CTNND2: variants seen among roughly 807,000 people sequenced by gnomAD.
CTNND2 encodes the protein catenin delta-2.
A neutral mutation model predicts 144.4 loss-of-function variants in CTNND2; 22 were observed. The ratio of observed to expected loss-of-function variants is 0.15; its 90% CI spans 0.11 to 0.22. The LOEUF is 0.22. Ranked by LOEUF, CTNND2 falls within the 10% of genes least tolerant of loss-of-function variation. The pLI is 1.00. For missense variants in CTNND2, 1,353 were observed against 1,618.8 expected (o/e 0.84, Z 2.82); for synonymous variants, 751 against 695.6 (o/e 1.08, Z -1.25).
chr5:11,069,681 G>C (rs2973526), intron 16 of CTNND2, among the ~76,000 whole-genome samples: 34 of 28,840 alleles, frequency 1.2e-3, no homozygotes, highest in Non-Finnish European at 1.6e-3. Flanking sequence ...GACAGACAGA[G>C]AGACAGAGAG....
At chr5:11,662,190 T>C (rs1307114205) in intron 2 of CTNND2, among the ~76,000 whole-genome samples, 1 of 139,358 alleles carries the variant, frequency 7.2e-6, no homozygotes, top group East Asian at 2.0e-4. Flanking sequence ...TATATGTGTA[T>C]ATATGTGTAT....
chr5:11,286,984 C>A (rs1487878984), intron 9 of CTNND2, among the ~76,000 whole-genome samples: 1 of 152,070 alleles, frequency 6.6e-6, no homozygotes, highest in African/African-American at 2.4e-5. Flanking sequence ...TGGAACACTA[C>A]CAAGTAGGAA....
intron 1 of CTNND2, among the ~76,000 whole-genome samples, chr5:11,879,965 C>T (rs1735906157): frequency 6.6e-6 from 1 of 152,080 alleles, no homozygotes; most frequent in African/African-American, 2.4e-5. Context: ...ATCTCCATGG[C>T]TATGGAAGAT....
intron 3 of CTNND2, among the ~76,000 whole-genome samples, chr5:11,462,558 T>C (rs979986941): frequency 8.6e-5 from 13 of 151,488 alleles, no homozygotes; most frequent in Admixed American, 7.2e-4. Context: ...ATTTTTTTTT[T>C]CCCCAGAGTA....
chr5:11,143,524 C>G (rs1386895997), intron 12 of CTNND2, among the ~76,000 whole-genome samples: 1 of 152,152 alleles, frequency 6.6e-6, no homozygotes, highest in Non-Finnish European at 1.5e-5. Context: ...GATGTTCTCC[C>G]TGGGAGTGTG....
chr5:11,608,885 T>C (rs943445771), intron 2 of CTNND2, among the ~76,000 whole-genome samples: 1 of 152,206 alleles, frequency 6.6e-6, no homozygotes, highest in African/African-American at 2.4e-5. Flanking sequence ...TATCTGAGGC[T>C]TCTGGATTTG....
At chr5:11,887,005 A>T in intron 1 of CTNND2, among the ~76,000 whole-genome samples, 2 of 64,718 alleles carry the variant, frequency 3.1e-5, no homozygotes, top group Non-Finnish European at 6.3e-5. Context: ...TTTTTTTGAG[A>T]CAGAGTCTCG....
At position 11,450,051 on chromosome 5, in the gene CTNND2, C is replaced by T. The variant is rs542629690; in HGVS notation, c.288-37982G>A. Among the ~76,000 whole-genome samples, 281 of 152,326 alleles carry T rather than the reference C, an allele frequency of 1.8e-3. 1 individual carries two copies. The highest frequency in any genetic ancestry group is 6.5e-3 in the African/African-American group (269 of 41,566). On this transcript the variant is annotated intron_variant, in intron 3 of 21. Coordinates refer to ENST00000304623, the MANE Select transcript of CTNND2 (RefSeq NM_001332.4). ...AACTGAGTGCAAGAAAAGCCCTTTTCGGACTTAGCAAGGGCTGGCTTGTCT... is the reference window on the plus strand; with the variant it reads ...AACTGAGTGCAAGAAAAGCCCTTTTTGGACTTAGCAAGGGCTGGCTTGTCT...
chr5:11,459,339 G>T (rs1230709518), intron 3 of CTNND2, among the ~76,000 whole-genome samples: 1 of 152,144 alleles, frequency 6.6e-6, no homozygotes, highest in Non-Finnish European at 1.5e-5. Flanking sequence ...CAATGTGGCA[G>T]TCTGAAATTT....
intron 11 of CTNND2, among the ~76,000 whole-genome samples, chr5:11,179,878 C>A (rs558219106): frequency 3.9e-5 from 6 of 152,160 alleles, no homozygotes; most frequent in Non-Finnish European, 8.8e-5. Flanking sequence ...TTAATATTTC[C>A]TTCTCAACCT....
chr5:11,507,914 G>C (rs1771222125), intron 3 of CTNND2, among the ~76,000 whole-genome samples: 1 of 152,066 alleles, frequency 6.6e-6, no homozygotes, highest in Non-Finnish European at 1.5e-5. Context: ...AAACCTCGTT[G>C]AATGGGCTGA....
chr5:11,627,003 G>A (rs531008618), intron 2 of CTNND2, among the ~76,000 whole-genome samples: 49 of 152,172 alleles, frequency 3.2e-4, no homozygotes, highest in Admixed American at 2.7e-3. Flanking sequence ...GTAGAGGATA[G>A]ATGATGAATA....
At chr5:11,305,301 T>A (rs1478784149) in intron 9 of CTNND2, among the ~76,000 whole-genome samples, 1 of 152,180 alleles carries the variant, frequency 6.6e-6, no homozygotes, top group Non-Finnish European at 1.5e-5. Flanking sequence ...AGAGTCAGAA[T>A]GGGCCTCAGC....
intron 3 of CTNND2, among the ~76,000 whole-genome samples, chr5:11,481,516 T>C (rs1275819888): frequency 1.3e-5 from 2 of 152,006 alleles, no homozygotes; most frequent in Non-Finnish European, 2.9e-5. Flanking sequence ...GATGGGAGGA[T>C]CACTTGAGCC....
At position 10,973,719 on chromosome 5, in the gene CTNND2, C is replaced by T. The variant is rs575945715; in HGVS notation, c.3418-6G>A. 4.7e-4 allele frequency: 745 copies of T among 1,586,110 alleles called. 15 individuals carry two copies. In the South Asian group the frequency reaches 8.2e-3, roughly 17 times the overall value. ...GGGACTGGCTGTGCTGAAACCTAAA[C>T]GGGAAAGAAGAGCCACACTGGGTTA... On this transcript the variant is annotated splice_region_variant and splice_polypyrimidine_tract_variant and intron_variant, in intron 21 of 21. Coordinates refer to ENST00000304623, the MANE Select transcript of CTNND2 (RefSeq NM_001332.4). The surrounding 1 kb of genome is among the most constrained non-coding windows in gnomAD (Gnocchi z 5.6).
At chr5:11,020,993 T>A (rs1425848325) in intron 17 of CTNND2, among the ~76,000 whole-genome samples, 1 of 152,202 alleles carries the variant, frequency 6.6e-6, no homozygotes, top group African/African-American at 2.4e-5. Context: ...TTAACAATAA[T>A]CAAGATTGGA....
At chr5:11,245,030 G>T (rs1222200922) in intron 9 of CTNND2, among the ~76,000 whole-genome samples, 3 of 152,174 alleles carry the variant, frequency 2.0e-5, no homozygotes, top group Non-Finnish European at 2.9e-5. Flanking sequence ...AAAAGAGAGA[G>T]AATTCAAATG....
intron 3 of CTNND2, among the ~76,000 whole-genome samples, chr5:11,530,465 C>T (rs935987830): frequency 2.8e-4 from 42 of 152,248 alleles, no homozygotes; most frequent in African/African-American, 1.0e-3. Context: ...GGGACATCTC[C>T]GTAGTTAATT....
chr5:11,447,694 G>C (rs1259152859), intron 3 of CTNND2, among the ~76,000 whole-genome samples: 1 of 152,118 alleles, frequency 6.6e-6, no homozygotes, highest in Non-Finnish European at 1.5e-5. Context: ...AGGGCGGATG[G>C]GGGCTGTGTA....
Sources: allele counts gnomAD v4.1 joint callset (sites outside exome capture counted in the v4.1 genomes callset), GRCh38; gene constraint gnomAD v4.1.1; non-coding constraint Gnocchi (gnomAD v3.1); transcripts MANE v1.5; gene names NCBI Gene and HGNC (gene_info 2026-07-23, HGNC 2026-07-21).